The following VPS37B variants were observed in gnomAD, a reference collection of about 807,000 sequenced individuals.
VPS37B encodes the protein VPS37B subunit of ESCRT-I.
VPS37B carries 11 observed loss-of-function variants against 21.2 expected under a neutral mutation model. The observed-to-expected ratio is 0.52, with a 90% CI of 0.33 to 0.86. The LOEUF is 0.86. Ranked by LOEUF, VPS37B falls within the 40% of genes least tolerant of loss-of-function variation. The pLI is 0.03. For synonymous variants in VPS37B, 175 were observed against 159.6 expected, an observed-to-expected ratio of 1.10 and a Z score of -0.73; for missense variants, 389 against 374.8, an observed-to-expected ratio of 1.04 and a Z score of -0.31.
chr12:122,865,602 C>A lies in VPS37B; in HGVS notation c.*1514G>T. On this transcript the variant is annotated 3_prime_UTR_variant, in exon 4 of 4. Transcript: ENST00000267202. Reference sequence around the variant, plus strand: ...GGCAGTGAATCGTCCTGTACAGCTTCATTTCCTTTAAGAAAACAGTTACAG... The same window carrying A: ...GGCAGTGAATCGTCCTGTACAGCTTAATTTCCTTTAAGAAAACAGTTACAG... 1.9e-5 allele frequency: 1 copy of A among 53,570 alleles called. No individual in the cohort carries two copies. 3.3% of individuals were successfully genotyped at this position (53,570 alleles called of 1,614,324 possible).
intron 1 of VPS37B, among the ~76,000 whole-genome samples, chr12:122,890,363 A>G (rs1302265623): frequency 6.7e-6 from 1 of 148,580 alleles, no homozygotes; most frequent in East Asian, 2.0e-4. Context: ...AGACAGCCTC[A>G]CTCTGTCACC....
chr12:122,895,703 C>T (rs973353548), intron 1 of VPS37B, among the ~76,000 whole-genome samples: 1 of 151,932 alleles, frequency 6.6e-6, no homozygotes, highest in Non-Finnish European at 1.5e-5. Context: ...TCTCAGGACC[C>T]TTTTTCCCGC....
intron 1 of VPS37B, chr12:122,880,574 T>A (rs1308123888): frequency 3.3e-5 from 5 of 151,972 alleles, no homozygotes; most frequent in Admixed American, 3.3e-4. Flanking sequence ...CTCACGCCTG[T>A]CATTCTAGCA....
At position 122,867,104 on chromosome 12, in the gene VPS37B, C is replaced by A; in HGVS notation, c.*12G>T. 1.2e-5 allele frequency: 18 copies of A among 1,512,482 alleles called. No homozygotes were observed. Among genetic ancestry groups the A allele is most frequent in the Non-Finnish European group, 1.6e-5 (18 of 1,135,886 alleles). The allele number at this position is 1,512,482 out of a possible 1,614,324, so 93.7% of individuals were successfully genotyped here. A position where few individuals can be genotyped will look rare whatever the true frequency, so the allele number is the denominator to read the frequency against. On this transcript the variant is annotated 3_prime_UTR_variant, in exon 4 of 4. Coordinates refer to ENST00000267202, the MANE Select transcript of VPS37B (RefSeq NM_024667.3). The surrounding 1 kb of genome is among the most constrained non-coding windows in gnomAD (Gnocchi z 5.5). The stretch of plus-strand genomic sequence containing the variant: ...GGTGGAAGAAGTCTCCCGGGAAGGA[C>A]CGCGCCGGCGCTCACTGGAGGATGA...
intron 1 of VPS37B, chr12:122,877,769 TG>T (rs2034177650): frequency 6.6e-6 from 1 of 152,224 alleles, no homozygotes. Context: ...GGGCACTCCC[TG>T]AGGCCCCGCT....
chr12:122,870,078 A>AGACAAACG (rs2033994879), intron 2 of VPS37B: 1 of 150,684 alleles, frequency 6.6e-6, no homozygotes, highest in African/African-American at 2.4e-5. Context: ...AAACAGCATA[A>AGACAAACG]GACAAACGGG....
chr12:122,890,817 G>A (rs1218226607), intron 1 of VPS37B, among the ~76,000 whole-genome samples: 1 of 151,990 alleles, frequency 6.6e-6, no homozygotes, highest in African/African-American at 2.4e-5. Flanking sequence ...ATTCCCTCTT[G>A]TATTGTAGAC....
chr12:122,870,768 A>T, intron 2 of VPS37B, 122 bp downstream of exon 2: 2 of 940,440 alleles, frequency 2.1e-6, no homozygotes, highest in South Asian at 1.7e-5. Flanking sequence ...TGTTCATTGC[A>T]GTAGAGTCGC....
At chr12:122,888,486 C>A in intron 1 of VPS37B, 1 of 453,286 alleles carries the variant, frequency 2.2e-6, no homozygotes, top group Non-Finnish European at 4.4e-6. Context: ...GAGTGGCTGG[C>A]ACACGGTCTT....
rs764426412 is a variant in VPS37B, at chr12:122,867,244, G to A, written c.730C>T (p.Pro244Ser). The A allele has an allele frequency of 5.1e-6, 8 of 1,568,794 alleles. No homozygotes were observed. The highest frequency in any genetic ancestry group is 4.5e-5 in the East Asian group (2 of 44,698). The change falls in exon 4 of 4, where the codon CCC becomes TCC. Residue 244 changes from proline to serine, a missense_variant. Coordinates refer to ENST00000267202, the MANE Select transcript of VPS37B (RefSeq NM_024667.3). The surrounding 1 kb of genome is among the most constrained non-coding windows in gnomAD (Gnocchi z 5.5). ...TGAGTGGGGAGGCCCACGCGGGGGG[G>A]CAGGGGCGGGCACTGTAATCCTGGG... is the stretch of plus-strand genomic sequence containing the variant. Reference protein sequence around the residue: ...PYPGLQCPPLPPRVGLPTQQG... With the variant: ...PYPGLQCPPLSPRVGLPTQQG...
intron 1 of VPS37B, chr12:122,872,427 C>T: frequency 1.0e-6 from 1 of 985,462 alleles, no homozygotes; most frequent in Non-Finnish European, 1.2e-6. Context: ...AAAACCAAAC[C>T]TCTCTCCCAA....
chr12:122,874,051 G>T (rs916957749), intron 1 of VPS37B: 3 of 152,240 alleles, frequency 2.0e-5, no homozygotes, highest in Non-Finnish European at 4.4e-5. Context: ...CCATCAGAAA[G>T]TCACTAGAGA....
At position 122,895,972 on chromosome 12, in the gene VPS37B, T is replaced by C. The variant is rs377335603; in HGVS notation, c.91A>G (p.Met31Val). The C allele has an allele frequency of 2.2e-4, 347 of 1,609,740 alleles. No individual in the cohort carries two copies. Among genetic ancestry groups the C allele is most frequent in the Non-Finnish European group, 2.8e-4 (335 of 1,178,310 alleles). ...LLEDEGQLTE[M>V]VQKMEETQNV... is the part of the protein sequence containing the mutation. ...CTCACCTCCTCCATCTTCTGCACCA[T>C]CTCCGTCAGCTGGCCCTCGTCCTCC... The change falls in exon 1 of 4, where the codon ATG (methionine) becomes GTG (valine). Residue 31 changes from methionine (M) to valine (V), a missense_variant. Transcript: ENST00000267202.
Position 122,896,003 on chromosome 12 carries a change from C to A in VPS37B, c.60G>T (p.Glu20Asp). Reference protein sequence around the residue: ...FAGLSLVQLNELLEDEGQLTE... With the variant: ...FAGLSLVQLNDLLEDEGQLTE... ...TCAGCTGGCCCTCGTCCTCCAGCAG[C>A]TCGTTGAGCTGCACCAGCGACAGCC... Residue 20 changes from glutamate (E) to aspartate (D), a missense_variant, in exon 1 of 4, where the codon GAG (glutamate) becomes GAT (aspartate). Physicochemically the swap from Glu to Asp is conservative, Grantham distance 45. Transcript: ENST00000267202. The A allele has an allele frequency of 6.2e-7, 1 of 1,605,948 alleles. No individual in the cohort carries two copies. Among genetic ancestry groups the A allele is most frequent in the African/African-American group, 1.4e-5 (1 of 73,628 alleles).
chr12:122,872,742 G>A (rs764705607), intron 1 of VPS37B: 97 of 959,278 alleles, frequency 1.0e-4, no homozygotes, highest in Admixed American at 7.4e-4. Context: ...AGCTGAATAC[G>A]TAACTACCCT....
intron 1 of VPS37B, among the ~76,000 whole-genome samples, chr12:122,892,905 A>G (rs1253588162): frequency 6.6e-6 from 1 of 152,222 alleles, no homozygotes; most frequent in African/African-American, 2.4e-5. Flanking sequence ...TACTAAAAAT[A>G]CAAAAATTAG....
intron 1 of VPS37B, among the ~76,000 whole-genome samples, chr12:122,894,423 T>A (rs1006400281): frequency 1.3e-5 from 2 of 152,226 alleles, no homozygotes; most frequent in Non-Finnish European, 2.9e-5. Flanking sequence ...CGGACAATGA[T>A]CTGTTGAGGG....
rs774226459 is a variant in VPS37B at position 122,867,348 on chromosome 12, G to C, written c.626C>G (p.Pro209Arg). 12 of 1,599,176 alleles carry C rather than the reference G, an allele frequency of 7.5e-6. No homozygotes were observed. In the South Asian group the frequency reaches 7.7e-5, roughly 10 times the overall value. The change falls in exon 4 of 4, where the codon CCC (proline) becomes CGC (arginine). Residue 209 changes from proline (P) to arginine (R), a missense_variant. Transcript: ENST00000267202. The surrounding 1 kb of genome is among the most constrained non-coding windows in gnomAD (Gnocchi z 5.5). ...TCCCGCAGGCACCGGGGGTGGTGGG[G>C]GGGGGATGCGCCGAGGTGCAACGGC... ...PPAVAPRRIP[P>R]PPPPVPAGRL...
In VPS37B at chr12:122,868,387, C is replaced by T. The variant is rs577578118; in HGVS notation, c.366+93G>A. The T allele has an allele frequency of 3.2e-5, 38 of 1,187,996 alleles. No individual in the cohort carries two copies. In the East Asian group the frequency reaches 6.0e-4, roughly 19 times the overall value. The allele number at this position is 1,187,996 out of a possible 1,614,324, so 73.6% of individuals were successfully genotyped here. A position where few individuals can be genotyped will look rare whatever the true frequency, so the allele number is the denominator to read the frequency against. ...ACACCTGGGAGGCACCACTCCTGGC[C>T]GTGGCGGTGTGGCACTCACGGTCCC... On this transcript the variant is annotated intron_variant, in intron 3 of 3. Transcript: ENST00000267202. This position sits in a 1 kb window ranked among gnomAD's most constrained non-coding sequence, Gnocchi z 5.5.
Sources: allele counts gnomAD v4.1 joint callset (sites outside exome capture counted in the v4.1 genomes callset), GRCh38; gene constraint gnomAD v4.1.1; non-coding constraint Gnocchi (gnomAD v3.1); transcripts MANE v1.5; gene names NCBI Gene and HGNC (gene_info 2026-07-23, HGNC 2026-07-21).